TARS3: variants seen among roughly 807,000 people sequenced by gnomAD.
TARS3 encodes threonyl-tRNA synthetase 3.
Under a neutral mutation model 103.5 loss-of-function variants are expected in TARS3, and 94 were observed. That is an observed-to-expected ratio of 0.91 (90% CI 0.77 to 1.08). The LOEUF (loss-of-function observed/expected upper bound fraction) is 1.08. Among genes scored for constraint, TARS3 ranks in the 50% least tolerant of loss-of-function variants. The pLI is 0.00. For synonymous variants in TARS3, 416 were observed against 355.4 expected, an observed-to-expected ratio of 1.17 and a Z score of -1.92; for missense variants, 952 against 995.2, an observed-to-expected ratio of 0.96 and a Z score of 0.58.
At chr15:101,657,901 G>A in intron 16 of TARS3, 44 bp from the exon 17 acceptor site, 1 of 1,184,922 alleles carries the variant, frequency 8.4e-7, no homozygotes, top group Non-Finnish European at 1.2e-6. Context: ...GTGTAATAAT[G>A]GCTACTTATT....
chr15:101,716,572 C>T (rs533295391), intron 3 of TARS3, among the ~76,000 whole-genome samples: 78 of 152,244 alleles, frequency 5.1e-4, no homozygotes, highest in African/African-American at 1.7e-3. Flanking sequence ...CACAGAGGAA[C>T]CAATATTTGC....
intron 10 of TARS3, among the ~76,000 whole-genome samples, chr15:101,698,172 T>C (rs1899074717): frequency 6.6e-6 from 1 of 151,760 alleles, no homozygotes; most frequent in Non-Finnish European, 1.5e-5. Context: ...CTGTCTCTAC[T>C]AAAAATACAA....
At chr15:101,719,779 G>A (rs890461204) in intron 3 of TARS3, among the ~76,000 whole-genome samples, 1 of 152,218 alleles carries the variant, frequency 6.6e-6, no homozygotes, top group African/African-American at 2.4e-5. Context: ...AGATCAACAA[G>A]ATGGGAGGAA....
chr15:101,683,595 T>C lies in TARS3; in HGVS notation c.1650+480A>G, dbSNP rs957404306. Among the ~76,000 whole-genome samples, 11 of 152,180 alleles carry C rather than the reference T, an allele frequency of 7.2e-5. No individual in the cohort carries two copies. In the East Asian group the frequency reaches 1.3e-3, roughly 19 times the overall value. On this transcript the variant is annotated intron_variant, in intron 12 of 18. Transcript: ENST00000335968. ...ACCTCCCTCACACCTCGGTACAACATTGGCATATTACCCACCCCACATGAA... is the reference window on the plus strand; with the variant it reads ...ACCTCCCTCACACCTCGGTACAACACTGGCATATTACCCACCCCACATGAA...
At chr15:101,654,808 T>C in intron 18 of TARS3, 78 bp from the exon 19 acceptor site, 4 of 1,393,436 alleles carry the variant, frequency 2.9e-6, no homozygotes, top group Non-Finnish European at 3.9e-6. Flanking sequence ...CCATGACATG[T>C]TTTTATCAAG....
At chr15:101,693,227 A>T (rs1898806754) in intron 10 of TARS3, among the ~76,000 whole-genome samples, 1 of 152,216 alleles carries the variant, frequency 6.6e-6, no homozygotes, top group Admixed American at 6.5e-5. Context: ...TTTATGAAGG[A>T]AAGAGGTTTA....
intron 15 of TARS3, 23 bp from the exon 16 acceptor site, chr15:101,661,839 T>A (rs531701025): frequency 9.8e-6 from 14 of 1,426,754 alleles, no homozygotes; most frequent in Admixed American, 2.2e-5. Context: ...AATTATACAT[T>A]TAAGTCTTTT....
rs1221801630 is a variant in TARS3 at position 101,721,151 on chromosome 15, G to C, written c.541C>G (p.Pro181Ala). The C allele has an allele frequency of 6.3e-7, 1 of 1,598,966 alleles. No individual in the cohort carries two copies. The highest frequency in any genetic ancestry group is 1.7e-5 in the Admixed American group (1 of 59,830). Residue 181 changes from proline to alanine, a missense_variant, in exon 3 of 19, where the codon CCT becomes GCT. Around this residue, in one of 2 missense-constraint regions of TARS3, gnomAD observed 412 missense variants for 364.2 expected, o/e 1.13. Coordinates refer to ENST00000335968, the MANE Select transcript of TARS3 (RefSeq NM_152334.3). ...TVQGEVWKTTPYQVAAEISQE... is the reference protein window; with the variant it reads ...TVQGEVWKTTAYQVAAEISQE... ...CTAATTTCAGCAGCCACTTGGTAAG[G>C]CGTTGTTTTCCAGACTTCCCCTTGC...
rs1206680592 is a variant in TARS3, at chr15:101,703,849, C to T, written c.1074+10G>A. ...TAAGTTTACTGTATTAAAAAAAAATCAATCCTTACCTTAAAAATTTTGATG... is the reference window on the plus strand; with the variant it reads ...TAAGTTTACTGTATTAAAAAAAAATTAATCCTTACCTTAAAAATTTTGATG... On this transcript the variant is annotated intron_variant, in intron 8 of 18. Coordinates refer to ENST00000335968, the MANE Select transcript of TARS3 (RefSeq NM_152334.3). 2.5e-6 allele frequency: 4 copies of T among 1,595,464 alleles called. No homozygotes were observed. Among genetic ancestry groups the T allele is most frequent in the Non-Finnish European group, 3.4e-6 (4 of 1,164,918 alleles).
intron 15 of TARS3, among the ~76,000 whole-genome samples, chr15:101,662,265 C>T (rs1897410416): frequency 6.6e-6 from 1 of 151,704 alleles, no homozygotes; most frequent in Non-Finnish European, 1.5e-5. Context: ...TCCCTCTTCC[C>T]CTTAGGAAAA....
Position 101,711,927 on chromosome 15 carries a change from A to G in TARS3, c.765T>C (p.Gly255=), listed in dbSNP as rs139045104. ...ELYYGGHLCY[G]PPIENGFYYD... is the part of the protein sequence containing the mutation. ...AATAAAATCCATTTTCAATGGGCGG[A>G]CCGTAGCACAGGTGGCCTCCATAGT... Residue 255 remains glycine, a synonymous_variant, in exon 5 of 19, where the codon GGT becomes GGC. Coordinates refer to ENST00000335968, the MANE Select transcript of TARS3 (RefSeq NM_152334.3). The G allele has an allele frequency of 4.8e-5, 78 of 1,613,832 alleles. No individual in the cohort carries two copies. Among genetic ancestry groups the G allele is most frequent in the Non-Finnish European group, 5.7e-5 (67 of 1,179,844 alleles).
Position 101,724,234 on chromosome 15 carries a change from G to A in TARS3, c.154C>T (p.Arg52Trp), listed in dbSNP as rs1194095546. 6.4e-7 allele frequency: 1 copy of A among 1,550,520 alleles called. No homozygotes were observed. The highest frequency in any genetic ancestry group is 8.7e-7 in the Non-Finnish European group (1 of 1,155,520). The change falls in exon 1 of 19, where the codon CGG becomes TGG. Residue 52 changes from arginine to tryptophan, a missense_variant. Physicochemically the swap from Arg to Trp is moderately radical, Grantham distance 101 (BLOSUM62 -3). This residue lies in a region of TARS3 where 412 missense variants were observed against 364.2 expected (regional missense o/e 1.13). Coordinates refer to ENST00000335968, the MANE Select transcript of TARS3 (RefSeq NM_152334.3). ...SCQAEGPCLT[R>W]EVAQLRAENC... ...TCGGCCCGGAGCTGCGCCACCTCCCGCGTGAGGCACGGCCCCTCCGCCTGG... is the reference window on the plus strand; with the variant it reads ...TCGGCCCGGAGCTGCGCCACCTCCCACGTGAGGCACGGCCCCTCCGCCTGG...
intron 3 of TARS3, among the ~76,000 whole-genome samples, chr15:101,719,734 C>T (rs946793069): frequency 5.3e-5 from 8 of 152,178 alleles, no homozygotes; most frequent in Non-Finnish European, 8.8e-5. Context: ...CAGCTTCCAC[C>T]GCTAGACACA....
intron 3 of TARS3, among the ~76,000 whole-genome samples, chr15:101,715,973 T>C (rs1900136261): frequency 6.6e-6 from 1 of 152,252 alleles, no homozygotes; most frequent in Non-Finnish European, 1.5e-5. Flanking sequence ...TTTTGGTTCA[T>C]GCTTACAAGC....
intron 4 of TARS3, among the ~76,000 whole-genome samples, chr15:101,714,063 G>A (rs1900006464): frequency 6.6e-6 from 1 of 152,122 alleles, no homozygotes; most frequent in African/African-American, 2.4e-5. Context: ...AAGGGCGACT[G>A]CAACGTTCAG....
intron 18 of TARS3, chr15:101,656,098 G>A: frequency 8.0e-7 from 1 of 1,250,964 alleles, no homozygotes; most frequent in South Asian, 1.2e-5. Context: ...GAAATGGGGA[G>A]AAATACTCCT....
At chr15:101,659,703 A>G (rs895033486) in intron 16 of TARS3, among the ~76,000 whole-genome samples, 6 of 152,212 alleles carry the variant, frequency 3.9e-5, no homozygotes, top group African/African-American at 1.4e-4. Context: ...ATGGTAAACT[A>G]TTTAAAACCA....
At chr15:101,708,728 G>A in intron 6 of TARS3, 65 bp downstream of exon 6, 6 of 1,066,570 alleles carry the variant, frequency 5.6e-6, no homozygotes. Context: ...GGGGAAGGTG[G>A]GGAAGCTAGT....
chr15:101,654,785 TAA>T (rs1897137059), intron 18 of TARS3, 55 bp from the exon 19 acceptor site: 2 of 1,532,542 alleles, frequency 1.3e-6, no homozygotes, highest in Non-Finnish European at 8.9e-7. Context: ...TACCAAACAT[TAA>T]GTCAGCAGTC....
Sources: allele counts gnomAD v4.1 joint callset (sites outside exome capture counted in the v4.1 genomes callset), GRCh38; gene constraint gnomAD v4.1.1; regional missense constraint gnomAD v4.1.1; transcripts MANE v1.5; gene names NCBI Gene and HGNC (gene_info 2026-07-23, HGNC 2026-07-21).